FOXP1: variants seen among roughly 807,000 people sequenced by gnomAD.
The protein encoded by FOXP1 is forkhead box P1.
FOXP1 carries 15 observed loss-of-function variants against 98.2 expected under a neutral mutation model. The observed-to-expected ratio is 0.15, with a 90% CI of 0.10 to 0.24. The LOEUF (loss-of-function observed/expected upper bound fraction) is 0.24, where lower values mean the gene tolerates loss of function less well. Ranked by LOEUF, FOXP1 falls within the 10% of genes least tolerant of loss-of-function variation. The pLI, the probability that FOXP1 is intolerant of heterozygous loss-of-function variation, is 1.00. For missense variants in FOXP1, 633 were observed against 848.5 expected (o/e 0.75, Z 3.15); for synonymous variants, 371 against 314.5 (o/e 1.18, Z -1.90).
At chr3:71,470,514 C>T (rs1230012642) in intron 3 of FOXP1, among the ~76,000 whole-genome samples, 2 of 152,080 alleles carry the variant, frequency 1.3e-5, no homozygotes, top group Non-Finnish European at 2.9e-5. Flanking sequence ...CTGAGGAGGG[C>T]AGATTGCCTG....
At chr3:71,416,586 ACACACACGC>A (rs1428413473) in intron 3 of FOXP1, among the ~76,000 whole-genome samples, 4 of 146,970 alleles carry the variant, frequency 2.7e-5, no homozygotes, top group African/African-American at 7.5e-5. Context: ...ACACACACAC[ACACACACGC>A]AAAAAAAAAT....
chr3:71,538,852 T>C (rs2044529952), intron 2 of FOXP1, among the ~76,000 whole-genome samples: 1 of 152,194 alleles, frequency 6.6e-6, no homozygotes, highest in Admixed American at 6.6e-5. Flanking sequence ...GATGTGTATG[T>C]TGTAAAGTAG....
chr3:71,534,374 A>G (rs950161107), intron 2 of FOXP1, among the ~76,000 whole-genome samples: 1 of 152,022 alleles, frequency 6.6e-6, no homozygotes, highest in Non-Finnish European at 1.5e-5. Context: ...AACAACAACA[A>G]CAACAAAAAA....
In FOXP1 at chr3:71,122,831, A is replaced by G. The variant is rs892000989; in HGVS notation, c.181-10194T>C. ...CAAAACATTGTCTCATGAGAACTTG[A>G]TACTCACACTGTATCAAGGTCACTG... On this transcript the variant is annotated intron_variant, in intron 6 of 20. Transcript: ENST00000649528. 6.6e-5 allele frequency among the ~76,000 whole-genome samples: 10 copies of G among 152,200 alleles called. 1 individual carries two copies. Among genetic ancestry groups the G allele is most frequent in the Admixed American group, 3.3e-4 (5 of 15,282 alleles).
intron 5 of FOXP1, among the ~76,000 whole-genome samples, chr3:71,236,627 T>C (rs1026922774): frequency 2.0e-5 from 3 of 152,114 alleles, no homozygotes; most frequent in African/African-American, 7.2e-5. Flanking sequence ...CCCAACACTT[T>C]GGGAGGACAA....
intron 5 of FOXP1, among the ~76,000 whole-genome samples, chr3:71,227,732 T>TTA (rs1007084269): frequency 2.9e-5 from 4 of 139,472 alleles, no homozygotes; most frequent in Admixed American, 7.2e-5. Context: ...TCAATGTTTT[T>TTA]AAAAAAAAAA....
At chr3:71,469,344 T>C (rs553183162) in intron 3 of FOXP1, among the ~76,000 whole-genome samples, 1 of 152,120 alleles carries the variant, frequency 6.6e-6, no homozygotes, top group Non-Finnish European at 1.5e-5. Context: ...AGCAATCAAA[T>C]AAAATAGCCA....
intron 14 of FOXP1, among the ~76,000 whole-genome samples, chr3:70,981,420 G>C (rs989934847): frequency 1.3e-5 from 2 of 152,104 alleles, no homozygotes; most frequent in Non-Finnish European, 2.9e-5. Flanking sequence ...AAGCCACAGA[G>C]GAAGCAGCCA....
Position 71,308,533 on chromosome 3 carries a change from C to T in FOXP1, c.-72-8653G>A, listed in dbSNP as rs796113849. Among the ~76,000 whole-genome samples, 26 of 152,096 alleles carry T rather than the reference C, an allele frequency of 1.7e-4. 2 individuals are homozygous for T. The highest frequency in any genetic ancestry group is 3.9e-4 in the African/African-American group (16 of 41,460). ...AGTCGCCTCAGACTTGTGACTAAAC[C>T]CGGCAGAGATTTCAATAAGGTTAGG... On this transcript the variant is annotated intron_variant, in intron 4 of 20. Transcript: ENST00000649528.
intron 11 of FOXP1, among the ~76,000 whole-genome samples, chr3:71,017,835 T>C (rs192545056): frequency 1.4e-4 from 22 of 152,300 alleles, no homozygotes; most frequent in Admixed American, 3.3e-4. Context: ...TTCAGAGAAA[T>C]AGAATCACTC....
chr3:71,564,842 C>G (rs1327895993), intron 2 of FOXP1, among the ~76,000 whole-genome samples: 1 of 152,162 alleles, frequency 6.6e-6, no homozygotes, highest in Non-Finnish European at 1.5e-5. Flanking sequence ...TCATTACAGG[C>G]AGTGGCTCAG....
chr3:71,047,190 G>A, intron 9 of FOXP1, 95 bp from the exon 10 acceptor site: 7 of 1,444,282 alleles, frequency 4.8e-6, no homozygotes, highest in East Asian at 2.3e-5. Context: ...ATCAAATGCT[G>A]AGAATGGTCA....
chr3:71,132,568 C>G (rs2059625231), intron 6 of FOXP1, among the ~76,000 whole-genome samples: 1 of 152,170 alleles, frequency 6.6e-6, no homozygotes, highest in African/African-American at 2.4e-5. Context: ...GGTTAAAGGG[C>G]AACAGAATTC....
chr3:71,167,087 T>A (rs1303786422), intron 6 of FOXP1, among the ~76,000 whole-genome samples: 1 of 151,948 alleles, frequency 6.6e-6, no homozygotes, highest in East Asian at 1.9e-4. Flanking sequence ...CACAGTGTTA[T>A]CCAGCCAAAT....
At chr3:71,085,734 C>G (rs1015458566) in intron 7 of FOXP1, among the ~76,000 whole-genome samples, 1 of 3,144 alleles carries the variant, frequency 3.2e-4, no homozygotes, top group Admixed American at 5.7e-3. Flanking sequence ...TCATTTATGG[C>G]CTTTTTTTTT....
intron 5 of FOXP1, among the ~76,000 whole-genome samples, chr3:71,208,961 C>T (rs370698046): frequency 1.6e-4 from 25 of 152,112 alleles, no homozygotes; most frequent in African/African-American, 6.0e-4. Context: ...CGGTTGGAGA[C>T]CAAGCCTGCT....
chr3:70,971,153 GA>G, intron 18 of FOXP1: 1 of 342,204 alleles, frequency 2.9e-6, no homozygotes, highest in Non-Finnish European at 5.7e-6. Flanking sequence ...TCGTGCTGGG[GA>G]AGGCAGTGAG....
chr3:70,967,717 T>G (rs1190711173), intron 19 of FOXP1, among the ~76,000 whole-genome samples: 4 of 140,790 alleles, frequency 2.8e-5, no homozygotes, highest in East Asian at 2.0e-4. Context: ...TTTGTTTTTT[T>G]TTTTTTTTTT....
At chr3:71,530,681 C>A (rs191304606) in intron 2 of FOXP1, among the ~76,000 whole-genome samples, 1 of 152,308 alleles carries the variant, frequency 6.6e-6, no homozygotes, top group East Asian at 1.9e-4. Flanking sequence ...CTGTGTTAAG[C>A]CCTTTCTAAG....
Sources: gnomAD v4.1 joint callset for allele counts (sites outside exome capture counted in the v4.1 genomes callset) on GRCh38, gnomAD v4.1.1 for gene constraint, MANE v1.5 for transcripts, NCBI Gene and HGNC (gene_info 2026-07-23, HGNC 2026-07-21) for gene names.